The following PBX3 variants were observed in gnomAD, a reference collection of about 807,000 sequenced individuals.
PBX3 encodes the protein PBX homeobox 3, also known as pre-B-cell leukemia transcription factor 3.
A neutral mutation model predicts 48.5 loss-of-function variants in PBX3; 14 were observed. That is an observed-to-expected ratio of 0.29 (90% confidence interval 0.19 to 0.45). The LOEUF (loss-of-function observed/expected upper bound fraction) is 0.45. PBX3 is among the 20% of genes least tolerant of loss of function. The probability of loss-of-function intolerance (pLI) is 1.00; values close to 1 mark genes in which losing one functional copy is unlikely to be tolerated. For synonymous variants in PBX3, 210 were observed against 200.3 expected, an observed-to-expected ratio of 1.05 and a Z score of -0.41; for missense variants, 386 against 546.7, an observed-to-expected ratio of 0.71 and a Z score of 2.93.
intron 2 of PBX3, among the ~76,000 whole-genome samples, chr9:125,781,721 C>T (rs1298601845): frequency 6.6e-6 from 1 of 150,808 alleles, no homozygotes; most frequent in Non-Finnish European, 1.5e-5. Context: ...TTATTATTTA[C>T]TTTCTTCTGC....
chr9:125,837,627 G>A (rs1227889399), intron 2 of PBX3, among the ~76,000 whole-genome samples: 1 of 151,838 alleles, frequency 6.6e-6, no homozygotes, highest in Non-Finnish European at 1.5e-5. Context: ...ACTTTGAATT[G>A]TTCTGCAGTT....
intron 2 of PBX3, among the ~76,000 whole-genome samples, chr9:125,834,655 C>G (rs910365179): frequency 6.6e-6 from 1 of 151,562 alleles, no homozygotes; most frequent in African/African-American, 2.4e-5. Flanking sequence ...ACCTCTGCCT[C>G]CCAAAGTGCT....
At chr9:125,799,017 A>C (rs1375122005) in intron 2 of PBX3, among the ~76,000 whole-genome samples, 1 of 152,180 alleles carries the variant, frequency 6.6e-6, no homozygotes, top group Non-Finnish European at 1.5e-5. Flanking sequence ...AATTGGGTAT[A>C]TATACATTTA....
At chr9:125,840,188 A>G (rs1839249588) in intron 2 of PBX3, among the ~76,000 whole-genome samples, 1 of 152,168 alleles carries the variant, frequency 6.6e-6, no homozygotes, top group African/African-American at 2.4e-5. Flanking sequence ...GTTTTCCAGA[A>G]GATTTTTCTG....
intron 2 of PBX3, among the ~76,000 whole-genome samples, chr9:125,871,396 AT>A (rs1453597220): frequency 1.3e-5 from 2 of 151,604 alleles, no homozygotes; most frequent in Admixed American, 6.6e-5. Flanking sequence ...AAAAAAAAAA[AT>A]CTAAAAAAAC....
chr9:125,817,015 C>T (rs1360490002), intron 2 of PBX3, among the ~76,000 whole-genome samples: 2 of 152,134 alleles, frequency 1.3e-5, no homozygotes, highest in African/African-American at 4.8e-5. Flanking sequence ...CTGATCTTCA[C>T]CTTGTTAAAA....
chr9:125,949,311 T>C, intron 5 of PBX3: 1 of 1,547,514 alleles, frequency 6.5e-7, no homozygotes, highest in Non-Finnish European at 8.7e-7. Context: ...GGGCCTGGCA[T>C]CTCAGGAATG....
intron 2 of PBX3, among the ~76,000 whole-genome samples, chr9:125,784,096 C>G (rs912207876): frequency 2.6e-5 from 4 of 152,076 alleles, no homozygotes; most frequent in African/African-American, 9.7e-5. Context: ...TGTGGATGGG[C>G]CATAGTTTTT....
chr9:125,832,511 A>G (rs992576047), intron 2 of PBX3, among the ~76,000 whole-genome samples: 1 of 152,166 alleles, frequency 6.6e-6, no homozygotes, highest in Non-Finnish European at 1.5e-5. Context: ...TTTTCAGATA[A>G]CAATTGACTA....
intron 5 of PBX3, among the ~76,000 whole-genome samples, chr9:125,939,004 C>T (rs1381263004): frequency 2.0e-5 from 3 of 150,980 alleles, no homozygotes; most frequent in Non-Finnish European, 4.4e-5. Flanking sequence ...TGTATATAAA[C>T]ACACATACAC....
chr9:125,962,285 C>G, intron 7 of PBX3, 71 bp downstream of exon 7: 1 of 846,382 alleles, frequency 1.2e-6, no homozygotes, highest in Admixed American at 2.0e-5. Context: ...TCCTCTGACC[C>G]CATGGAAGTG....
At chr9:125,780,042 G>A (rs1208034307) in intron 2 of PBX3, among the ~76,000 whole-genome samples, 4 of 141,138 alleles carry the variant, frequency 2.8e-5, no homozygotes, top group Admixed American at 1.4e-4. Flanking sequence ...CTCCCGGACG[G>A]GGCGGCTGGC....
chr9:125,763,857 G>GT, intron 2 of PBX3, among the ~76,000 whole-genome samples: 1 of 152,170 alleles, frequency 6.6e-6, no homozygotes, highest in Non-Finnish European at 1.5e-5. Context: ...TTCCTCTCTG[G>GT]TTTTTTTATT....
chr9:125,799,993 C>A (rs1044750724), intron 2 of PBX3, among the ~76,000 whole-genome samples: 1 of 152,096 alleles, frequency 6.6e-6, no homozygotes, highest in East Asian at 1.9e-4. Context: ...TTCAGCAATG[C>A]TTATTATTGT....
rs532529295 is a variant in PBX3 at position 125,793,223 on chromosome 9, G to A, written c.274+44600G>A. On this transcript the variant is annotated intron_variant, in intron 2 of 8. Coordinates refer to ENST00000373489, the MANE Select transcript of PBX3 (RefSeq NM_006195.6). ...AAAAATTAGCCAGGCGTGGTGGTGG[G>A]CGCCTGTAGTCCCAGCTACTCGGGA... 1.4e-3 allele frequency among the ~76,000 whole-genome samples: 211 copies of A among 150,336 alleles called. 2 individuals are homozygous for A. Among genetic ancestry groups the A allele is most frequent in the African/African-American group, 4.7e-3 (193 of 41,060 alleles).
Position 125,835,015 on chromosome 9 carries a change from CAAAAAAAAAAAAAAAAAAAAAAAAAA to C in PBX3, c.275-80660_275-80635del, listed in dbSNP as rs745638368. Among the ~76,000 whole-genome samples, 3 of 25,170 alleles carry C rather than the reference CAAAAAAAAAAAAAAAAAAAAAAAAAA, an allele frequency of 1.2e-4. No homozygotes were observed. In the Admixed American group the frequency reaches 1.7e-3, roughly 15 times the overall value. 16.5% of individuals were successfully genotyped at this position (25,170 alleles called of 152,430 possible). A position where few individuals can be genotyped will look rare whatever the true frequency, so the allele number is the denominator to read the frequency against. On this transcript the variant is annotated intron_variant, in intron 2 of 8. Transcript: ENST00000373489. The stretch of plus-strand genomic sequence containing the variant: ...CTCGGTGACGAGCAAAACTCTGTCT[CAAAAAAAAAAAAAAAAAAAAAAAAAA>C]AAAAAAAAAAGGGCAAAAGATATGA...
intron 2 of PBX3, among the ~76,000 whole-genome samples, chr9:125,781,191 C>T (rs973025697): frequency 2.0e-5 from 3 of 150,342 alleles, no homozygotes; most frequent in South Asian, 2.1e-4. Flanking sequence ...GAGGTTGTAG[C>T]GAGCTGAGAT....
chr9:125,782,093 TC>T (rs1173297902), intron 2 of PBX3, among the ~76,000 whole-genome samples: 3 of 152,220 alleles, frequency 2.0e-5, no homozygotes, highest in Non-Finnish European at 4.4e-5. Flanking sequence ...ATTTTCATGC[TC>T]CTGCTAAAGA....
intron 2 of PBX3, among the ~76,000 whole-genome samples, chr9:125,897,147 T>TG (rs1554725498): frequency 1.4e-5 from 2 of 146,254 alleles, no homozygotes; most frequent in African/African-American, 2.6e-5. Context: ...TGTGGTTTTT[T>TG]TTTTTTTTTT....
Sources: gnomAD v4.1 joint callset for allele counts (sites outside exome capture counted in the v4.1 genomes callset) on GRCh38, gnomAD v4.1.1 for gene constraint, MANE v1.5 for transcripts, NCBI Gene and HGNC (gene_info 2026-07-23, HGNC 2026-07-21) for gene names.